Variants in SBF2 observed in about 807,000 individuals in gnomAD.
SBF2 encodes myotubularin-related protein 13.
In SBF2, 112 loss-of-function variants were observed where a neutral mutation model predicts 225.2. The ratio of observed to expected loss-of-function variants is 0.50; its 90% CI spans 0.43 to 0.58. The LOEUF (loss-of-function observed/expected upper bound fraction) is 0.58. SBF2 is among the 20% of genes least tolerant of loss of function. The pLI is 0.00. For missense variants in SBF2, 1,996 were observed against 2,206.2 expected (o/e 0.90, Z 1.91); for synonymous variants, 763 against 773.3 (o/e 0.99, Z 0.22).
chr11:10,183,981 G>C (rs1351758727), intron 2 of SBF2, among the ~76,000 whole-genome samples: 1 of 152,156 alleles, frequency 6.6e-6, no homozygotes, highest in East Asian at 1.9e-4. Flanking sequence ...CAAAAACTTA[G>C]AAGATTCTGA....
chr11:9,829,339 G>C lies in SBF2; in HGVS notation c.3793+17C>G. On this transcript the variant is annotated intron_variant, in intron 28 of 39. Coordinates refer to ENST00000256190, the MANE Select transcript of SBF2 (RefSeq NM_030962.4). ...TCATTAGAAGCTGTCAAGAAGAAAA[G>C]TATTATCAAATCTTACCTGGAGATA... The C allele has an allele frequency of 3.7e-6, 6 of 1,613,648 alleles. No homozygotes were observed. The highest frequency in any genetic ancestry group is 5.1e-6 in the Non-Finnish European group (6 of 1,179,598).
intron 1 of SBF2, among the ~76,000 whole-genome samples, chr11:10,232,285 C>T (rs1958889472): frequency 6.6e-6 from 1 of 152,244 alleles, no homozygotes; most frequent in Non-Finnish European, 1.5e-5. Context: ...GCTGCTTCAG[C>T]TCACGCTCGG....
intron 17 of SBF2, among the ~76,000 whole-genome samples, chr11:9,874,498 T>C (rs977400099): frequency 2.0e-4 from 30 of 152,352 alleles, no homozygotes; most frequent in African/African-American, 7.0e-4. Context: ...TTCACTGACA[T>C]TTTGACTAAA....
intron 2 of SBF2, among the ~76,000 whole-genome samples, chr11:10,102,311 CT>C (rs1272693786): frequency 1.3e-5 from 2 of 152,212 alleles, no homozygotes; most frequent in African/African-American, 4.8e-5. Flanking sequence ...GCACTTCTGT[CT>C]GATGTCTTAG....
chr11:9,841,730 C>T lies in SBF2; in HGVS notation c.3256+895G>A, dbSNP rs1219363132. 2.0e-5 allele frequency among the ~76,000 whole-genome samples: 3 copies of T among 152,058 alleles called. No homozygotes were observed. In the East Asian group the frequency reaches 5.8e-4, roughly 29 times the overall value. On this transcript the variant is annotated intron_variant, in intron 25 of 39. Coordinates refer to ENST00000256190, the MANE Select transcript of SBF2 (RefSeq NM_030962.4). ...TGTATTTTCAGTAGCAACAGGGTTT[C>T]GCCATGTTGGCCAGGCTGGTCTCGA...
At position 9,994,577 on chromosome 11, in the gene SBF2, CATATAT is replaced by C. The variant is rs377348270; in HGVS notation, c.976-585_976-580del. 1.5e-3 allele frequency among the ~76,000 whole-genome samples: 195 copies of C among 134,116 alleles called. 6 individuals carry two copies. The highest frequency in any genetic ancestry group is 9.8e-3 in the East Asian group (40 of 4,066). The allele number at this position is 134,116 out of a possible 152,430, so 88.0% of individuals were successfully genotyped here. A position where few individuals can be genotyped will look rare whatever the true frequency, so the allele number is the denominator to read the frequency against. ...AATAAACCCTAAATCTATATATGTA[CATATAT>C]ATATATATATGAAAATGAAAAGTTC... On this transcript the variant is annotated intron_variant, in intron 9 of 39. Coordinates refer to ENST00000256190, the MANE Select transcript of SBF2 (RefSeq NM_030962.4).
intron 1 of SBF2, among the ~76,000 whole-genome samples, chr11:10,228,901 C>T (rs1958698720): frequency 6.6e-6 from 1 of 151,992 alleles, no homozygotes; most frequent in Non-Finnish European, 1.5e-5. Flanking sequence ...GGTACCAGCT[C>T]CTCCTTGTAC....
At position 9,816,867 on chromosome 11, in the gene SBF2, G is replaced by A. The variant is rs760578661; in HGVS notation, c.3951C>T (p.Tyr1317=). 1.9e-6 allele frequency: 3 copies of A among 1,614,176 alleles called. No homozygotes were observed. The highest frequency in any genetic ancestry group is 1.7e-6 in the Non-Finnish European group (2 of 1,180,032). ...NQLLKRQAAL[Y]IFGEKSQLRN... ...TTAGTTGCGACTTTTCACCAAATAT[G>A]TAAAGGGCTGCTTGCCGTTTCAAGA... The change falls in exon 29 of 40, where the codon TAC becomes TAT. Residue 1317 remains tyrosine (Y), a synonymous_variant. Coordinates refer to ENST00000256190, the MANE Select transcript of SBF2 (RefSeq NM_030962.4).
intron 16 of SBF2, among the ~76,000 whole-genome samples, chr11:9,935,244 C>A (rs960736295): frequency 5.9e-5 from 9 of 152,186 alleles, no homozygotes; most frequent in African/African-American, 2.2e-4. Flanking sequence ...ATCCAACTTA[C>A]AAGGGATGTG....
At chr11:9,844,442 G>C (rs1324584049) in intron 24 of SBF2, among the ~76,000 whole-genome samples, 1 of 152,076 alleles carries the variant, frequency 6.6e-6, no homozygotes, top group African/African-American at 2.4e-5. Context: ...TGAAATTTTA[G>C]CCCTTATATT....
intron 17 of SBF2, among the ~76,000 whole-genome samples, chr11:9,869,763 C>T (rs1260069484): frequency 4.6e-5 from 7 of 152,108 alleles, no homozygotes; most frequent in Non-Finnish European, 7.4e-5. Context: ...TAGGCAAAAA[C>T]TGGAAGCATT....
At chr11:10,228,602 G>T (rs1958682115) in intron 1 of SBF2, among the ~76,000 whole-genome samples, 1 of 152,168 alleles carries the variant, frequency 6.6e-6, no homozygotes, top group Admixed American at 6.5e-5. Context: ...CTTTGGTTCT[G>T]TTTATATGCT....
At chr11:9,782,292 A>G (rs992957305) in intron 38 of SBF2, among the ~76,000 whole-genome samples, 3 of 152,194 alleles carry the variant, frequency 2.0e-5, no homozygotes, top group African/African-American at 7.2e-5. Context: ...GATAAGAAAA[A>G]GATAAAGTAG....
chr11:9,853,765 C>T, intron 19 of SBF2, 53 bp from the exon 20 acceptor site: 1 of 1,512,312 alleles, frequency 6.6e-7, no homozygotes, highest in East Asian at 2.3e-5. Flanking sequence ...CAACAAATGA[C>T]TACTATATAG....
chr11:10,031,672 G>A (rs962847922), intron 3 of SBF2, among the ~76,000 whole-genome samples: 6 of 152,288 alleles, frequency 3.9e-5, no homozygotes, highest in African/African-American at 1.4e-4. Context: ...CAATGCTCTT[G>A]GCAGTAAAGC....
At chr11:9,906,164 A>C (rs1862100009) in intron 16 of SBF2, among the ~76,000 whole-genome samples, 1 of 152,240 alleles carries the variant, frequency 6.6e-6, no homozygotes, top group Admixed American at 6.5e-5. Flanking sequence ...TTTAACAGAA[A>C]TGCCTTGCAT....
chr11:10,242,403 C>CA (rs888621797), intron 1 of SBF2, among the ~76,000 whole-genome samples: 13 of 151,128 alleles, frequency 8.6e-5, no homozygotes, highest in Admixed American at 2.0e-4. Flanking sequence ...TATATTATTA[C>CA]AAAAAAAATC....
intron 16 of SBF2, among the ~76,000 whole-genome samples, chr11:9,930,867 G>A (rs1449005685): frequency 6.6e-6 from 1 of 152,228 alleles, no homozygotes; most frequent in Non-Finnish European, 1.5e-5. Context: ...ATGACAGACT[G>A]CACCTGGAAA....
rs561158695 is a variant in SBF2 at position 9,874,930 on chromosome 11, T to G, written c.1930-16534A>C. 2.6e-5 allele frequency among the ~76,000 whole-genome samples: 4 copies of G among 152,338 alleles called. No homozygotes were observed. The East Asian group carries it at 7.7e-4, about 29-fold the overall frequency. On this transcript the variant is annotated intron_variant, in intron 17 of 39. Transcript: ENST00000256190. Reference sequence around the variant, plus strand: ...TATATGAAGAGAAAGGAGACCAACCTATTATTGGAAGAAAAACAGCATTGT... The same window carrying G: ...TATATGAAGAGAAAGGAGACCAACCGATTATTGGAAGAAAAACAGCATTGT...
Sources: gnomAD v4.1 joint callset for allele counts (sites outside exome capture counted in the v4.1 genomes callset) on GRCh38, gnomAD v4.1.1 for gene constraint, MANE v1.5 for transcripts, NCBI Gene and HGNC (gene_info 2026-07-23, HGNC 2026-07-21) for gene names.